The following CCAR1 variants were observed in gnomAD, a reference collection of about 807,000 sequenced individuals.
CCAR1 encodes cell division cycle and apoptosis regulator protein 1.
CCAR1 carries 78 observed loss-of-function variants against 163.8 expected under a neutral mutation model. The observed-to-expected ratio is 0.48, with a 90% CI of 0.40 to 0.57. The LOEUF (loss-of-function observed/expected upper bound fraction) is 0.57. Ranked by LOEUF, CCAR1 falls within the 20% of genes least tolerant of loss-of-function variation. The pLI is 0.00. For synonymous variants in CCAR1, 443 were observed against 460.7 expected (o/e 0.96, Z 0.49); for missense variants, 1,019 against 1,365.2 (o/e 0.75, Z 4.00).
chr10:68,755,632 A>T, intron 13 of CCAR1, 96 bp downstream of exon 13: 1 of 1,008,518 alleles, frequency 9.9e-7, no homozygotes, highest in Non-Finnish European at 1.4e-6. Context: ...TTATTTTAGC[A>T]ACCCTGGTCA....
intron 2 of CCAR1, among the ~76,000 whole-genome samples, chr10:68,727,543 T>G (rs955408286): frequency 6.6e-6 from 1 of 152,192 alleles, no homozygotes; most frequent in African/African-American, 2.4e-5. Flanking sequence ...TAGAATACAG[T>G]TCAGATTCTA....
chr10:68,756,704 T>C lies in CCAR1; in HGVS notation c.1836+221T>C, dbSNP rs1035703546. ...AGAGTGCTGAGACCTCAAAGGAAAATAAGTTGTGCTTAAATTGCACAGAAT... is the reference window on the plus strand; with the variant it reads ...AGAGTGCTGAGACCTCAAAGGAAAACAAGTTGTGCTTAAATTGCACAGAAT... On this transcript the variant is annotated intron_variant, in intron 14 of 24. Coordinates refer to ENST00000265872, the MANE Select transcript of CCAR1 (RefSeq NM_018237.4). The surrounding 1 kb of genome is among the most constrained non-coding windows in gnomAD (Gnocchi z 5.1). 3.2e-6 allele frequency: 2 copies of C among 620,648 alleles called. No homozygotes were observed. The highest frequency in any genetic ancestry group is 3.6e-5 in the African/African-American group (2 of 54,860). 38.4% of individuals were successfully genotyped at this position (620,648 alleles called of 1,614,324 possible).
rs71028782 is a variant in CCAR1 at position 68,775,687 on chromosome 10, C to CTTTTTT, written c.2650+2610_2650+2615dup. Among the ~76,000 whole-genome samples, 55 of 51,752 alleles carry CTTTTTT rather than the reference C, an allele frequency of 1.1e-3. 4 individuals are homozygous for CTTTTTT. Among genetic ancestry groups the CTTTTTT allele is most frequent in the African/African-American group, 2.6e-3 (31 of 11,782 alleles). The allele number at this position is 51,752 out of a possible 152,430, so 34.0% of individuals were successfully genotyped here. On this transcript the variant is annotated intron_variant, in intron 19 of 24. Transcript: ENST00000265872. ...ACCACGCCCAGCTAATTTTTCTTTT[C>CTTTTTT]TTTTTTTTTTTTTTTTTTTTTTTTT... is the stretch of plus-strand genomic sequence containing the variant.
chr10:68,765,398 T>C (rs1247705132), intron 16 of CCAR1, among the ~76,000 whole-genome samples: 8 of 152,218 alleles, frequency 5.3e-5, no homozygotes, highest in Non-Finnish European at 1.2e-4. Context: ...TATGCTTTCT[T>C]TGGACACATT....
At chr10:68,786,320 C>A in intron 20 of CCAR1, 102 bp downstream of exon 20, 1 of 880,842 alleles carries the variant, frequency 1.1e-6, no homozygotes, top group Non-Finnish European at 1.7e-6. Flanking sequence ...TCTTTATTAC[C>A]ACTAAGTAAA....
chr10:68,771,854 T>A (rs780081422), intron 18 of CCAR1, among the ~76,000 whole-genome samples: 1 of 151,768 alleles, frequency 6.6e-6, no homozygotes, highest in Non-Finnish European at 1.5e-5. Flanking sequence ...TTTCTAATAC[T>A]TTATTCTTAA....
rs1188594319 is a variant in CCAR1 at position 68,749,634 on chromosome 10, G to A, written c.1067G>A (p.Arg356Gln). The change falls in exon 10 of 25, where the codon CGA becomes CAA. Residue 356 changes from arginine (R) to glutamine (Q), a missense_variant. Arg to Gln is a conservative substitution (Grantham distance 43, BLOSUM62 1). Around this residue, in one of 4 missense-constraint regions of CCAR1, gnomAD observed 644 missense variants for 904.4 expected, o/e 0.71. Coordinates refer to ENST00000265872, the MANE Select transcript of CCAR1 (RefSeq NM_018237.4). The part of the protein sequence containing the change: ...RERERSPRRV[R>Q]RVVPRYTVQF... ...CGAGAGCGATCACCTCGGAGAGTTCGACGTGTTGTTCCACGTTACACAGTT... is the reference window on the plus strand; with the variant it reads ...CGAGAGCGATCACCTCGGAGAGTTCAACGTGTTGTTCCACGTTACACAGTT... The A allele has an allele frequency of 2.5e-6, 4 of 1,613,856 alleles. No homozygotes were observed. The highest frequency in any genetic ancestry group is 2.2e-5 in the East Asian group (1 of 44,900).
chr10:68,742,777 G>A (rs760524880), intron 6 of CCAR1, among the ~76,000 whole-genome samples: 2 of 151,746 alleles, frequency 1.3e-5, no homozygotes, highest in African/African-American at 4.8e-5. Flanking sequence ...CACCACACTC[G>A]GCTAATTTTT....
intron 19 of CCAR1, among the ~76,000 whole-genome samples, chr10:68,777,806 C>T (rs1658319467): frequency 6.6e-6 from 1 of 152,144 alleles, no homozygotes; most frequent in Non-Finnish European, 1.5e-5. Flanking sequence ...GTGGTGCATG[C>T]CTGTAATCCC....
intron 16 of CCAR1, among the ~76,000 whole-genome samples, chr10:68,762,333 AAAAAAC>A (rs1251264763): frequency 9.0e-6 from 1 of 110,912 alleles, no homozygotes; most frequent in Non-Finnish European, 1.9e-5. Flanking sequence ...TGTCTAAAAA[AAAAAAC>A]AAAACAAAAA....
Position 68,786,219 on chromosome 10 carries a change from G to A in CCAR1, c.2733+1G>A. The A allele has an allele frequency of 6.3e-7, 1 of 1,579,286 alleles. No homozygotes were observed. The highest frequency in any genetic ancestry group is 8.7e-7 in the Non-Finnish European group (1 of 1,150,574). On this transcript the variant is annotated splice_donor_variant, in intron 20 of 24. Coordinates refer to ENST00000265872, the MANE Select transcript of CCAR1 (RefSeq NM_018237.4). LOFTEE classifies it high-confidence loss of function. ...CAAGGAGAGGCCCTCTAAAGATAAG[G>A]TGTTTATTGAATACTGTATTCTTTA...
At chr10:68,763,601 C>G (rs1164237444) in intron 16 of CCAR1, among the ~76,000 whole-genome samples, 3 of 152,128 alleles carry the variant, frequency 2.0e-5, no homozygotes, top group Non-Finnish European at 4.4e-5. Flanking sequence ...GCGCCTGCCA[C>G]CATGCCTGGC....
At chr10:68,767,392 C>T (rs573755926) in intron 17 of CCAR1, among the ~76,000 whole-genome samples, 6 of 152,196 alleles carry the variant, frequency 3.9e-5, no homozygotes, top group Admixed American at 2.6e-4. Flanking sequence ...CTCAGCCTCC[C>T]GGGTAGCTGA....
chr10:68,746,890 T>TTTA (rs547616083), intron 6 of CCAR1, among the ~76,000 whole-genome samples: 9 of 151,666 alleles, frequency 5.9e-5, no homozygotes, highest in East Asian at 1.9e-4. Context: ...ATCTACTTTT[T>TTTA]TTATTATTAT....
In CCAR1 at chr10:68,786,178, A is replaced by T. The variant is rs773700175; in HGVS notation, c.2693A>T (p.Asp898Val). 6.2e-7 allele frequency: 1 copy of T among 1,612,326 alleles called. No homozygotes were observed. Among genetic ancestry groups the T allele is most frequent in the Non-Finnish European group, 8.5e-7 (1 of 1,178,744 alleles). Residue 898 changes from aspartate (D) to valine (V), a missense_variant, in exon 20 of 25, where the codon GAT (aspartate) becomes GTT (valine). This residue lies in a region of CCAR1 where 358 missense variants were observed against 406.4 expected (regional missense o/e 0.88). Transcript: ENST00000265872. ...ATGACCAAACGAGATGACAAAAGAG[A>T]TATCAACAGATACTGCAAGGAGAGG... Reference protein sequence around the residue: ...EEMTKRDDKRDINRYCKERPS... With the variant: ...EEMTKRDDKRVINRYCKERPS...
chr10:68,790,336 C>T (rs1014591152), intron 24 of CCAR1, among the ~76,000 whole-genome samples: 8 of 145,970 alleles, frequency 5.5e-5, no homozygotes, highest in African/African-American at 5.1e-5. Context: ...GCCTGGGCAA[C>T]AGAACTAGAC....
At chr10:68,755,325 G>C in intron 12 of CCAR1, 45 bp from the exon 13 acceptor site, 1 of 1,516,842 alleles carries the variant, frequency 6.6e-7, no homozygotes. Flanking sequence ...TTGGTAATTT[G>C]ACAGGGTGCG....
rs118188124 is a variant in CCAR1 at position 68,736,546 on chromosome 10, T to C, written c.74-330T>C. On this transcript the variant is annotated intron_variant, in intron 2 of 24. Coordinates refer to ENST00000265872, the MANE Select transcript of CCAR1 (RefSeq NM_018237.4). Reference sequence around the variant, plus strand: ...TTACTCTGTTTCTCTTAGTTTGACTTTCTTATACTCCAAATTTGAGATCAT... The same window carrying C: ...TTACTCTGTTTCTCTTAGTTTGACTCTCTTATACTCCAAATTTGAGATCAT... 2.0e-4 allele frequency among the ~76,000 whole-genome samples: 30 copies of C among 152,280 alleles called. No homozygotes were observed. In the East Asian group the frequency reaches 3.7e-3, roughly 19 times the overall value.
chr10:68,757,728 A>G (rs2056413419), intron 15 of CCAR1, among the ~76,000 whole-genome samples: 1 of 148,308 alleles, frequency 6.7e-6, no homozygotes, highest in South Asian at 2.2e-4. Context: ...TTGTATTTAT[A>G]TACATATAAA....
Sources: allele counts gnomAD v4.1 joint callset (sites outside exome capture counted in the v4.1 genomes callset), GRCh38; gene constraint gnomAD v4.1.1; regional missense constraint gnomAD v4.1.1; non-coding constraint Gnocchi (gnomAD v3.1); transcripts MANE v1.5; gene names NCBI Gene and HGNC (gene_info 2026-07-23, HGNC 2026-07-21).